GPR132: variants seen among roughly 807,000 people sequenced by gnomAD.
GPR132 encodes G protein-coupled receptor 132, also known as probable G protein-coupled receptor 132.
In GPR132, 4 loss-of-function variants were observed where a neutral mutation model predicts 1.9. The observed-to-expected ratio is 2.13, with a 90% CI of 1.05 to 4.87. The LOEUF is 4.87. Among genes scored for constraint, GPR132 ranks in the 30% most tolerant of loss-of-function variants. The probability of loss-of-function intolerance (pLI) is 0.01; values close to 1 mark genes in which losing one functional copy is unlikely to be tolerated. For synonymous variants in GPR132, 233 were observed against 234.2 expected (o/e 0.99, Z 0.05); for missense variants, 404 against 512.5 (o/e 0.79, Z 2.04).
Position 105,050,940 on chromosome 14 carries a change from C to A in GPR132, c.*54G>T. ...GCTGGTGGGCTCAGTGCACAGGAAC[C>A]ACATTGCTGGCCCCAGGACCCCCAA... On this transcript the variant is annotated 3_prime_UTR_variant, in exon 4 of 4. Transcript: ENST00000329797. This position sits in a 1 kb window ranked among gnomAD's most constrained non-coding sequence, Gnocchi z 4.0. 1.9e-6 allele frequency: 3 copies of A among 1,541,306 alleles called. No homozygotes were observed. The highest frequency in any genetic ancestry group is 2.7e-6 in the Non-Finnish European group (3 of 1,124,470).
At position 105,055,417 on chromosome 14, in the gene GPR132, A is replaced by G. The variant is rs143845743; in HGVS notation, c.4T>C (p.Cys2Arg). 2.7e-5 allele frequency: 21 copies of G among 780,866 alleles called. 1 individual carries two copies. The highest frequency in any genetic ancestry group is 4.5e-4 in the Middle Eastern group (2 of 4,462). The allele number at this position is 780,866 out of a possible 1,614,324, so 48.4% of individuals were successfully genotyped here. A position where few individuals can be genotyped will look rare whatever the true frequency, so the allele number is the denominator to read the frequency against. ...TAACCGTTTTTCAGTAGCATTGGGCACATTCACATTCTTCTGCAACCATCG... is the reference window on the plus strand; with the variant it reads ...TAACCGTTTTTCAGTAGCATTGGGCGCATTCACATTCTTCTGCAACCATCG... M[C>R]PMLLKNGYNG... Residue 2 changes from cysteine (C) to arginine (R), a missense_variant, in exon 3 of 4, where the codon TGC (cysteine) becomes CGC (arginine). Physicochemically the swap from Cys to Arg is radical, Grantham distance 180. Transcript: ENST00000329797. The surrounding 1 kb of genome is among the most constrained non-coding windows in gnomAD (Gnocchi z 4.7).
chr14:105,054,306 A>C, intron 3 of GPR132: 1 of 1,065,738 alleles, frequency 9.4e-7, no homozygotes, highest in Non-Finnish European at 1.1e-6. Flanking sequence ...TCCACATGCA[A>C]ATGTCGTAGT....
Position 105,056,098 on chromosome 14 carries a change from T to A in GPR132, c.-678A>T. The A allele has an allele frequency of 1.0e-6, 1 of 981,508 alleles. No individual in the cohort carries two copies. Among genetic ancestry groups the A allele is most frequent in the Non-Finnish European group, 1.2e-6 (1 of 826,306 alleles). The allele number at this position is 981,508 out of a possible 1,614,324, so 60.8% of individuals were successfully genotyped here. ...CCCGGCGGTGTGCAGGGCTCCGGTC[T>A]CCCCACAGCCTCGCTGCGCTTGCTG... On this transcript the variant is annotated 5_prime_UTR_variant, in exon 3 of 4. It introduces an in-frame stop codon into an upstream open reading frame of the 5' UTR. Coordinates refer to ENST00000329797, the MANE Select transcript of GPR132 (RefSeq NM_013345.4). This position sits in a 1 kb window ranked among gnomAD's most constrained non-coding sequence, Gnocchi z 6.0.
chr14:105,054,359 A>C (rs1886729356), intron 3 of GPR132: 3 of 985,128 alleles, frequency 3.0e-6, no homozygotes, highest in Non-Finnish European at 3.6e-6. Flanking sequence ...GTTGACCTCC[A>C]GCACGATGGG....
chr14:105,061,059 T>C (rs1886928811), intron 1 of GPR132, among the ~76,000 whole-genome samples: 1 of 152,252 alleles, frequency 6.6e-6, no homozygotes, highest in Non-Finnish European at 1.5e-5. Flanking sequence ...TGCCTGACCT[T>C]TGGGCACCAC....
At chr14:105,053,147 CTTTT>C (rs1162515395) in intron 3 of GPR132, among the ~76,000 whole-genome samples, 4 of 98,990 alleles carry the variant, frequency 4.0e-5, no homozygotes, top group Non-Finnish European at 5.7e-5. Flanking sequence ...AACCTGTAGT[CTTTT>C]TTTTTTTTTT....
At position 105,051,366 on chromosome 14, in the gene GPR132, C is replaced by T. The variant is rs763198085; in HGVS notation, c.771G>A (p.Pro257=). Residue 257 remains proline (P), a synonymous_variant, in exon 4 of 4, where the codon CCG becomes CCA. Coordinates refer to ENST00000329797, the MANE Select transcript of GPR132 (RefSeq NM_013345.4). The surrounding 1 kb of genome is among the most constrained non-coding windows in gnomAD (Gnocchi z 8.0). The part of the protein sequence containing the change: ...VVVIFLVCFA[P]YHLVLLVKAA... ...CTTTGACGAGGAGAACCAGGTGGTACGGGGCGAAGCAGACTAGGAAGATGA... is the reference window on the plus strand; with the variant it reads ...CTTTGACGAGGAGAACCAGGTGGTATGGGGCGAAGCAGACTAGGAAGATGA... The T allele has an allele frequency of 1.6e-5, 26 of 1,613,876 alleles. No homozygotes were observed. The highest frequency in any genetic ancestry group is 1.6e-4 in the Middle Eastern group (1 of 6,084).
intron 3 of GPR132, chr14:105,054,134 C>T: frequency 1.6e-6 from 2 of 1,286,990 alleles, no homozygotes; most frequent in Non-Finnish European, 2.0e-6. Flanking sequence ...TCCAGGTCAG[C>T]AGGAAGCCGC....
intron 1 of GPR132, among the ~76,000 whole-genome samples, chr14:105,064,585 C>G (rs533047225): frequency 3.3e-5 from 5 of 151,754 alleles, no homozygotes; most frequent in Admixed American, 1.3e-4. Context: ...CCGCCCACCT[C>G]GGCCTCCCAA....
chr14:105,062,526 T>TTTTCC (rs1886971098), intron 1 of GPR132, among the ~76,000 whole-genome samples: 1 of 149,988 alleles, frequency 6.7e-6, no homozygotes, highest in Non-Finnish European at 1.5e-5. Flanking sequence ...CTTTTCTTTC[T>TTTTCC]TTTCTTTTCT....
At chr14:105,061,590 C>T (rs1334906688) in intron 1 of GPR132, among the ~76,000 whole-genome samples, 2 of 152,148 alleles carry the variant, frequency 1.3e-5, no homozygotes, top group Non-Finnish European at 2.9e-5. Flanking sequence ...CAGCAGGTCA[C>T]CCACATTTCA....
In GPR132 at chr14:105,056,566, G is replaced by A. The variant is rs1389948349; in HGVS notation, c.-746-400C>T. 6.6e-6 allele frequency among the ~76,000 whole-genome samples: 1 copy of A among 152,112 alleles called. No homozygotes were observed. The highest frequency in any genetic ancestry group is 1.5e-5 in the Non-Finnish European group (1 of 68,000). On this transcript the variant is annotated intron_variant, in intron 2 of 3. Transcript: ENST00000329797. This position sits in a 1 kb window ranked among gnomAD's most constrained non-coding sequence, Gnocchi z 6.0. ...GTCTGTTCCCTCCCCGACTTCCTAC[G>A]GCTCCCCCACCCCACACATCGTCGC... is the stretch of plus-strand genomic sequence containing the variant.
Position 105,057,183 on chromosome 14 carries a change from G to T in GPR132, c.-763C>A. The T allele has an allele frequency of 6.5e-7, 1 of 1,531,022 alleles. No individual in the cohort carries two copies. Among genetic ancestry groups the T allele is most frequent in the Non-Finnish European group, 8.8e-7 (1 of 1,142,334 alleles). 94.8% of individuals were successfully genotyped at this position (1,531,022 alleles called of 1,614,324 possible). A position where few individuals can be genotyped will look rare whatever the true frequency, so the allele number is the denominator to read the frequency against. Reference sequence around the variant, plus strand: ...CTCTCTCACCTGGCATATTTTGCGGGTTCCAATCTCAGTGTGGCTCTAAGA... The same window carrying T: ...CTCTCTCACCTGGCATATTTTGCGGTTTCCAATCTCAGTGTGGCTCTAAGA... On this transcript the variant is annotated 5_prime_UTR_variant, in exon 2 of 4. Coordinates refer to ENST00000329797, the MANE Select transcript of GPR132 (RefSeq NM_013345.4).
At chr14:105,053,748 T>C (rs1886713582) in intron 3 of GPR132, among the ~76,000 whole-genome samples, 1 of 151,948 alleles carries the variant, frequency 6.6e-6, no homozygotes, top group Non-Finnish European at 1.5e-5. Context: ...TTGGGACATG[T>C]AGATATGGCA....
In GPR132 at chr14:105,060,255, G is replaced by A. The variant is rs1463690155; in HGVS notation, c.-860-2975C>T. 1.3e-5 allele frequency among the ~76,000 whole-genome samples: 2 copies of A among 152,248 alleles called. No homozygotes were observed. Among genetic ancestry groups the A allele is most frequent in the African/African-American group, 2.4e-5 (1 of 41,470 alleles). On this transcript the variant is annotated intron_variant, in intron 1 of 3. Transcript: ENST00000329797. The surrounding 1 kb of genome is among the most constrained non-coding windows in gnomAD (Gnocchi z 6.3). Reference sequence around the variant, plus strand: ...TCCAAGGCCCAGCAAGAGATGCAGGGCTCTCTGGCCATGCCCAAAACAGAG... The same window carrying A: ...TCCAAGGCCCAGCAAGAGATGCAGGACTCTCTGGCCATGCCCAAAACAGAG...
rs1052939041 is a variant in GPR132, at chr14:105,060,017, T to G, written c.-860-2737A>C. Among the ~76,000 whole-genome samples the G allele has an allele frequency of 6.6e-6, 1 of 152,218 alleles. No homozygotes were observed. The highest frequency in any genetic ancestry group is 2.4e-5 in the African/African-American group (1 of 41,476). On this transcript the variant is annotated intron_variant, in intron 1 of 3. Coordinates refer to ENST00000329797, the MANE Select transcript of GPR132 (RefSeq NM_013345.4). This position sits in a 1 kb window ranked among gnomAD's most constrained non-coding sequence, Gnocchi z 6.3. ...GGTGGGTGGTGTGGGCCGGAGGGGT[T>G]CCTGGGCTACCCATTCTGCCACCAC...
Position 105,050,858 on chromosome 14 carries a change from T to A in GPR132, c.*136A>T. The A allele has an allele frequency of 3.8e-6, 3 of 788,246 alleles. No homozygotes were observed. The Admixed American group carries it at 8.2e-5, about 22-fold the overall frequency. 48.8% of individuals were successfully genotyped at this position (788,246 alleles called of 1,614,324 possible). ...CTGGGGCCAGTGGTCACGGAGGGAG[T>A]GGCTTCAGGAACGAGAAATTGGTAG... On this transcript the variant is annotated 3_prime_UTR_variant, in exon 4 of 4. Transcript: ENST00000329797. This position sits in a 1 kb window ranked among gnomAD's most constrained non-coding sequence, Gnocchi z 4.0.
intron 3 of GPR132, among the ~76,000 whole-genome samples, chr14:105,052,918 C>A (rs1013854436): frequency 4.7e-5 from 7 of 149,966 alleles, no homozygotes; most frequent in African/African-American, 1.7e-4. Flanking sequence ...GAGATCGTGC[C>A]GCTGTACTCC....
chr14:105,061,247 C>G (rs1415416690), intron 1 of GPR132, among the ~76,000 whole-genome samples: 1 of 152,268 alleles, frequency 6.6e-6, no homozygotes, highest in Non-Finnish European at 1.5e-5. Flanking sequence ...GAGCCCTGCA[C>G]CAGCCCTTTG....
Sources: gnomAD v4.1 joint callset for allele counts (sites outside exome capture counted in the v4.1 genomes callset) on GRCh38, gnomAD v4.1.1 for gene constraint, Gnocchi (gnomAD v3.1) non-coding constraint, MANE v1.5 for transcripts, NCBI Gene and HGNC (gene_info 2026-07-23, HGNC 2026-07-21) for gene names.